BLTP1: variants seen among roughly 807,000 people sequenced by gnomAD.
The protein encoded by BLTP1 is fragile site-associated protein.
At chr4:122,210,671 G>T in the BLTP1 span, among the ~76,000 whole-genome samples, 1 of 151,932 alleles carries the variant, frequency 6.6e-6, no homozygotes, top group Non-Finnish European at 1.5e-5. Context: ...GCTGATTTAT[G>T]TATTTCTCTC....
chr4:122,162,622 G>T, the BLTP1 span: 1 of 985,166 alleles, frequency 1.0e-6, no homozygotes, highest in South Asian at 4.7e-5. Context: ...ATTCCTTTCA[G>T]CTATCACCCT....
At chr4:122,154,162 C>CTTTTTTTTTTT in the BLTP1 span, 26 of 255,156 alleles carry the variant, frequency 1.0e-4, 8 homozygotes, top group African/African-American at 1.8e-3. Context: ...CGGTTAAAGA[C>CTTTTTTTTTTT]TTTTTTTTTT....
the BLTP1 span, chr4:122,203,783 TA>T: frequency 2.1e-6 from 1 of 484,496 alleles, no homozygotes; most frequent in Non-Finnish European, 2.7e-6. Context: ...AATTAGTTAT[TA>T]AAGAAAAAAA....
chr4:122,221,854 A>G, the BLTP1 span: 7 of 982,856 alleles, frequency 7.1e-6, no homozygotes, highest in South Asian at 2.4e-4. Context: ...TTAGATGACT[A>G]TCCCTGGTTT....
At chr4:122,185,308 A>T in the BLTP1 span, 1 of 982,198 alleles carries the variant, frequency 1.0e-6, no homozygotes. Flanking sequence ...AAATGGATAG[A>T]GGTTATAAAA....
the BLTP1 span, chr4:122,310,939 C>A: frequency 1.1e-6 from 1 of 929,460 alleles, no homozygotes; most frequent in Non-Finnish European, 1.3e-6. Context: ...CAACAGAAAT[C>A]TTTATAGATT....
chr4:122,336,931 A>AT, the BLTP1 span: 2 of 1,611,798 alleles, frequency 1.2e-6, no homozygotes, highest in Non-Finnish European at 1.7e-6. Context: ...ACCAGATCCT[A>AT]TGGAAGAATC....
At chr4:122,242,459 G>A in the BLTP1 span, among the ~76,000 whole-genome samples, 1 of 152,148 alleles carries the variant, frequency 6.6e-6, no homozygotes, top group Non-Finnish European at 1.5e-5. Flanking sequence ...GGTTACCAGA[G>A]GCTTGGGTAG....
the BLTP1 span, chr4:122,225,789 C>T: frequency 6.6e-6 from 1 of 151,976 alleles, no homozygotes; most frequent in African/African-American, 2.4e-5. Flanking sequence ...TGTAACTGTC[C>T]TCTCCTTATT....
chr4:122,173,877 G>T, the BLTP1 span, among the ~76,000 whole-genome samples: 3 of 152,050 alleles, frequency 2.0e-5, no homozygotes, highest in Admixed American at 2.0e-4. Flanking sequence ...AATTTCTTGT[G>T]AGTCCACCAT....
the BLTP1 span, chr4:122,174,319 T>C: frequency 5.1e-6 from 5 of 984,910 alleles, no homozygotes; most frequent in East Asian, 3.4e-4. Context: ...GAATTATCCA[T>C]ACAAAGCAGT....
At chr4:122,175,936 G>A in the BLTP1 span, 6 of 1,064,930 alleles carry the variant, frequency 5.6e-6, no homozygotes, top group South Asian at 6.5e-5. Flanking sequence ...TTTTTTATGT[G>A]TTTAAAATGT....
At chr4:122,355,250 A>T in the BLTP1 span, among the ~76,000 whole-genome samples, 2 of 152,114 alleles carry the variant, frequency 1.3e-5, no homozygotes, top group Non-Finnish European at 2.9e-5. Flanking sequence ...GACCTATAAA[A>T]GGTCTTTATA....
chr4:122,180,094 A>G, the BLTP1 span: 41 of 985,068 alleles, frequency 4.2e-5, no homozygotes, highest in African/African-American at 7.0e-5. Flanking sequence ...AAAAAACCTA[A>G]TATGTTGAGA....
At chr4:122,271,757 A>G in the BLTP1 span, 2 of 1,379,440 alleles carry the variant, frequency 1.4e-6, no homozygotes, top group Non-Finnish European at 2.0e-6. Context: ...AAAAATTTCC[A>G]TTTACAATAA....
the BLTP1 span, chr4:122,348,676 A>G: frequency 3.1e-6 from 5 of 1,611,704 alleles, no homozygotes; most frequent in Admixed American, 8.4e-5. Flanking sequence ...TGAAGCAATT[A>G]AACGTTCAAA....
the BLTP1 span, chr4:122,256,040 A>G: frequency 1.0e-6 from 1 of 982,082 alleles, no homozygotes; most frequent in Non-Finnish European, 1.2e-6. Flanking sequence ...CAAAATAAAT[A>G]CAATCCATCT....
the BLTP1 span, among the ~76,000 whole-genome samples, chr4:122,248,293 G>A: frequency 6.6e-6 from 1 of 151,926 alleles, no homozygotes; most frequent in Non-Finnish European, 1.5e-5. Flanking sequence ...TTTGCACTGG[G>A]TATTATACAG....
At chr4:122,170,500 CAGAA>C in the BLTP1 span, 1 of 1,313,890 alleles carries the variant, frequency 7.6e-7, no homozygotes, top group Non-Finnish European at 9.9e-7. Flanking sequence ...TTGAAGGAAA[CAGAA>C]AGGTGATTTA....
Sources: allele counts gnomAD v4.1 joint callset (sites outside exome capture counted in the v4.1 genomes callset), GRCh38; gene constraint gnomAD v4.1.1; transcripts MANE v1.5; gene names NCBI Gene and HGNC (gene_info 2026-07-23, HGNC 2026-07-21).